The following MAST2 variants were observed in gnomAD, a reference collection of about 807,000 sequenced individuals.
The protein encoded by MAST2 is microtubule associated serine/threonine kinase 2, also known as microtubule-associated serine/threonine-protein kinase 2.
Under a neutral mutation model 147.4 loss-of-function variants are expected in MAST2, and 70 were observed. The ratio of observed to expected loss-of-function variants is 0.47; its 90% CI spans 0.39 to 0.58. The LOEUF is 0.58. Ranked by LOEUF, MAST2 falls within the 20% of genes least tolerant of loss-of-function variation. The probability of loss-of-function intolerance (pLI) is 0.00; values close to 1 mark genes in which losing one functional copy is unlikely to be tolerated. For synonymous variants in MAST2, 869 were observed against 896.8 expected, an observed-to-expected ratio of 0.97 and a Z score of 0.55; for missense variants, 2,080 against 2,302.3, an observed-to-expected ratio of 0.90 and a Z score of 1.98.
chr1:45,963,412 A>G (rs189834733), intron 5 of MAST2, among the ~76,000 whole-genome samples: 33 of 152,252 alleles, frequency 2.2e-4, no homozygotes, highest in African/African-American at 7.9e-4. Flanking sequence ...ATGTTTTTCC[A>G]TTTGTTTGTG....
chr1:46,029,439 T>C, intron 18 of MAST2, 27 bp from the exon 19 acceptor site: 1 of 1,585,946 alleles, frequency 6.3e-7, no homozygotes, highest in Non-Finnish European at 8.6e-7. Flanking sequence ...CAATTTCTCC[T>C]TTCCCTCTCA....
In MAST2 at chr1:45,885,204, G is replaced by T. The variant is rs1570541627; in HGVS notation, c.500+2809G>T. On this transcript the variant is annotated intron_variant, in intron 4 of 28. Coordinates refer to ENST00000361297, the MANE Select transcript of MAST2 (RefSeq NM_015112.3). Reference sequence around the variant, plus strand: ...TTTAAGTCTTGGTCAGAAGGAGGGGGCATCATATTTGTGTCCCTGTTTGCC... The same window carrying T: ...TTTAAGTCTTGGTCAGAAGGAGGGGTCATCATATTTGTGTCCCTGTTTGCC... Among the ~76,000 whole-genome samples, 4 of 152,180 alleles carry T rather than the reference G, an allele frequency of 2.6e-5. 1 individual carries two copies. The highest frequency in any genetic ancestry group is 2.6e-4 in the Admixed American group (4 of 15,290).
chr1:45,872,291 T>C (rs1446474517), intron 3 of MAST2, among the ~76,000 whole-genome samples: 6 of 152,184 alleles, frequency 3.9e-5, no homozygotes, highest in Non-Finnish European at 8.8e-5. Context: ...TGGTGACTGT[T>C]GACATAAAGG....
At chr1:45,808,689 T>G (rs1309378444) in intron 1 of MAST2, among the ~76,000 whole-genome samples, 2 of 152,220 alleles carry the variant, frequency 1.3e-5, no homozygotes, top group African/African-American at 4.8e-5. Context: ...TACTCAGTCT[T>G]CAGTCTCTTA....
At chr1:45,927,790 G>T (rs1464801208) in intron 4 of MAST2, among the ~76,000 whole-genome samples, 1 of 152,160 alleles carries the variant, frequency 6.6e-6, no homozygotes, top group Non-Finnish European at 1.5e-5. Context: ...AAAGCACAGG[G>T]GTATTGATTG....
At chr1:45,854,402 T>C (rs140552878) in intron 3 of MAST2, among the ~76,000 whole-genome samples, 2 of 152,148 alleles carry the variant, frequency 1.3e-5, no homozygotes, top group East Asian at 3.9e-4. Flanking sequence ...TTCTGTTCAG[T>C]TCACTTATGG....
At chr1:45,892,550 A>T (rs561886337) in intron 4 of MAST2, among the ~76,000 whole-genome samples, 1 of 152,190 alleles carries the variant, frequency 6.6e-6, no homozygotes, top group Non-Finnish European at 1.5e-5. Flanking sequence ...GACTCATTCC[A>T]CTGGAATGAT....
intron 4 of MAST2, among the ~76,000 whole-genome samples, chr1:45,953,776 T>C (rs1388602820): frequency 2.0e-5 from 3 of 152,186 alleles, no homozygotes; most frequent in Non-Finnish European, 4.4e-5. Context: ...TGTGGCTTGC[T>C]CATATTAAGA....
At chr1:45,901,042 T>C (rs1649679882) in intron 4 of MAST2, among the ~76,000 whole-genome samples, 1 of 152,214 alleles carries the variant, frequency 6.6e-6, no homozygotes, top group Non-Finnish European at 1.5e-5. Context: ...TGGTCATATT[T>C]GTTTTTGAGG....
chr1:45,882,070 T>A (rs938861464), intron 3 of MAST2, among the ~76,000 whole-genome samples: 25 of 141,014 alleles, frequency 1.8e-4, no homozygotes, highest in Admixed American at 3.7e-4. Flanking sequence ...CGGGTGCCTG[T>A]AGTCCCAGCT....
intron 4 of MAST2, among the ~76,000 whole-genome samples, chr1:45,944,855 C>G (rs1657812266): frequency 6.6e-6 from 1 of 152,172 alleles, no homozygotes; most frequent in Non-Finnish European, 1.5e-5. Flanking sequence ...CTGCCTGTGC[C>G]AAAATATGTT....
At chr1:45,810,317 A>G (rs997952638) in intron 1 of MAST2, among the ~76,000 whole-genome samples, 1 of 152,218 alleles carries the variant, frequency 6.6e-6, no homozygotes, top group Non-Finnish European at 1.5e-5. Context: ...AATGGAAATC[A>G]GAACCTCTTT....
intron 1 of MAST2, among the ~76,000 whole-genome samples, chr1:45,811,166 CTTTTTTT>C (rs375439362): frequency 7.8e-6 from 1 of 127,896 alleles, no homozygotes; most frequent in Non-Finnish European, 1.7e-5. Flanking sequence ...CAGTATATTT[CTTTTTTT>C]TTTTTTTTTT....
At chr1:45,898,389 A>G (rs1364216689) in intron 4 of MAST2, among the ~76,000 whole-genome samples, 4 of 152,154 alleles carry the variant, frequency 2.6e-5, no homozygotes. Context: ...CTATCAAACT[A>G]TTACTCTAAG....
chr1:46,002,868 T>C lies in MAST2; in HGVS notation c.732T>C (p.Pro244=). ...CTTCAGGATATGGAACTAACACTCCTAGCTCCACTGTCTCAGTAAGTAGCC... is the reference window on the plus strand; with the variant it reads ...CTTCAGGATATGGAACTAACACTCCCAGCTCCACTGTCTCAGTAAGTAGCC... ...LPSSGYGTNT[P]SSTVSSSCSS... is the part of the protein sequence containing the mutation. The change falls in exon 7 of 29, where the codon CCT becomes CCC. Residue 244 remains proline (P), a synonymous_variant. Transcript: ENST00000361297. 6.2e-7 allele frequency: 1 copy of C among 1,614,190 alleles called. No individual in the cohort carries two copies. Among genetic ancestry groups the C allele is most frequent in the East Asian group, 2.2e-5 (1 of 44,886 alleles).
chr1:46,006,800 G>C (rs1412071014), intron 8 of MAST2, among the ~76,000 whole-genome samples: 1 of 152,140 alleles, frequency 6.6e-6, no homozygotes, highest in Non-Finnish European at 1.5e-5. Context: ...TTTAAAGGTA[G>C]TTAGCAGCAG....
In MAST2 at chr1:46,030,702, A is replaced by T. The variant is rs1406842564; in HGVS notation, c.2649A>T (p.Ser883=). 2 of 1,606,584 alleles carry T rather than the reference A, an allele frequency of 1.2e-6. No individual in the cohort carries two copies. Among genetic ancestry groups the T allele is most frequent in the Non-Finnish European group, 1.7e-6 (2 of 1,177,674 alleles). The part of the protein sequence containing the change: ...RSLSEEKEDH[S]DGLAGLKGRD... ...TGAGTGAGGAGAAGGAGGACCATTCAGATGGCCTGGCAGGGCTCAAAGGCC... is the reference window on the plus strand; with the variant it reads ...TGAGTGAGGAGAAGGAGGACCATTCTGATGGCCTGGCAGGGCTCAAAGGCC... Residue 883 remains serine (S), a synonymous_variant, in exon 22 of 29, where the codon TCA becomes TCT. Transcript: ENST00000361297.
intron 5 of MAST2, among the ~76,000 whole-genome samples, chr1:45,987,609 G>A (rs777215896): frequency 6.6e-5 from 10 of 152,096 alleles, no homozygotes; most frequent in East Asian, 1.9e-4. Flanking sequence ...ACTATGCCTG[G>A]CGTTGTGTAT....
intron 5 of MAST2, among the ~76,000 whole-genome samples, chr1:45,960,367 G>C (rs965353961): frequency 3.3e-5 from 5 of 152,072 alleles, no homozygotes; most frequent in Non-Finnish European, 7.4e-5. Context: ...AACTTAGCTG[G>C]ACATGGTGGT....
Sources: gnomAD v4.1 joint callset for allele counts (sites outside exome capture counted in the v4.1 genomes callset) on GRCh38, gnomAD v4.1.1 for gene constraint, MANE v1.5 for transcripts, NCBI Gene and HGNC (gene_info 2026-07-23, HGNC 2026-07-21) for gene names.